Variants in SLC30A7 observed in about 807,000 individuals in gnomAD.
SLC30A7 encodes solute carrier family 30 member 7, also known as zinc transporter 7.
A neutral mutation model predicts 46.0 loss-of-function variants in SLC30A7; 35 were observed. That is an observed-to-expected ratio of 0.76 (90% CI 0.58 to 1.01). The LOEUF is 1.01. Among genes scored for constraint, SLC30A7 ranks in the 50% least tolerant of loss-of-function variants. SLC30A7 has a pLI of 0.00. For synonymous variants in SLC30A7, 147 were observed against 157.8 expected (o/e 0.93, Z 0.51); for missense variants, 464 against 451.1 (o/e 1.03, Z -0.26).
intron 2 of SLC30A7, among the ~76,000 whole-genome samples, chr1:100,904,200 G>T (rs1417879920): frequency 6.6e-6 from 1 of 152,174 alleles, no homozygotes; most frequent in Non-Finnish European, 1.5e-5. Flanking sequence ...GACTTCAGAA[G>T]CTTGTTTTTA....
chr1:100,897,982 A>G (rs933996447), intron 2 of SLC30A7, among the ~76,000 whole-genome samples: 1 of 152,202 alleles, frequency 6.6e-6, no homozygotes, highest in Non-Finnish European at 1.5e-5. Flanking sequence ...ATACTTTATC[A>G]TAAATATATA....
chr1:100,928,038 G>GTCACATGA (rs1653417817), intron 8 of SLC30A7, among the ~76,000 whole-genome samples: 1 of 152,182 alleles, frequency 6.6e-6, no homozygotes, highest in African/African-American at 2.4e-5. Context: ...CTGATGATGG[G>GTCACATGA]TGGATTGCCC....
At position 100,968,763 on chromosome 1, in the gene SLC30A7, T is replaced by C. The variant is rs187996680; in HGVS notation, c.1083+2845T>C. 1.0e-3 allele frequency among the ~76,000 whole-genome samples: 158 copies of C among 152,342 alleles called. 1 individual carries two copies. The highest frequency in any genetic ancestry group is 4.6e-3 in the Admixed American group (70 of 15,300). On this transcript the variant is annotated intron_variant, in intron 10 of 10. Transcript: ENST00000357650. ...TTTATCCTATGTCATACATATCACA[T>C]TGTACAACTTGTGTGCAAGTTCCTA...
intron 7 of SLC30A7, 54 bp from the exon 8 acceptor site, chr1:100,921,652 G>T: frequency 7.0e-7 from 1 of 1,429,944 alleles, no homozygotes; most frequent in Non-Finnish European, 9.7e-7. Context: ...GGATATATTC[G>T]TATTTTAAAT....
At chr1:100,906,204 T>G (rs1035453452) in intron 2 of SLC30A7, among the ~76,000 whole-genome samples, 5 of 152,216 alleles carry the variant, frequency 3.3e-5, no homozygotes, top group African/African-American at 1.2e-4. Context: ...TCAGGGTTCT[T>G]GCTCCACTCT....
At chr1:100,964,374 A>ACAT (rs1446078791) in intron 9 of SLC30A7, among the ~76,000 whole-genome samples, 8 of 112,372 alleles carry the variant, frequency 7.1e-5, no homozygotes, top group African/African-American at 3.0e-4. Flanking sequence ...ATGTATATAT[A>ACAT]ACATATGTTA....
At chr1:100,907,367 T>C in intron 3 of SLC30A7, among the ~76,000 whole-genome samples, 1 of 152,212 alleles carries the variant, frequency 6.6e-6, no homozygotes, top group South Asian at 2.1e-4. Context: ...TCTTTAGCTC[T>C]GCTTTTATGT....
chr1:100,915,193 TTTTCTTTCTTTCTTTCTTTC>T (rs200989431), intron 6 of SLC30A7, among the ~76,000 whole-genome samples: 103 of 90,846 alleles, frequency 1.1e-3, no homozygotes, highest in Non-Finnish European at 1.3e-3. Context: ...CTTTTCTTTC[TTTTCTTTCTTTCTTTCTTTC>T]TTTCTTTCTT....
At chr1:100,907,737 T>C (rs1409833727) in intron 3 of SLC30A7, among the ~76,000 whole-genome samples, 2 of 151,910 alleles carry the variant, frequency 1.3e-5, no homozygotes, top group Non-Finnish European at 2.9e-5. Context: ...CTGTGAGTGC[T>C]CTTTTACATT....
At chr1:100,993,559 A>AAAATATATATAT in the SLC30A7 span, among the ~76,000 whole-genome samples, 1 of 56,546 alleles carries the variant, frequency 1.8e-5, no homozygotes, top group East Asian at 5.6e-4. Flanking sequence ...CGAAAATATA[A>AAAATATATATAT]ATATATATAT....
chr1:100,896,805 C>T, intron 2 of SLC30A7, 134 bp downstream of exon 2: 1 of 741,590 alleles, frequency 1.3e-6, no homozygotes, highest in Non-Finnish European at 2.3e-6. Context: ...TGCTGAGTTG[C>T]TTTCTCATAC....
At chr1:100,943,246 C>G (rs1654454972) in intron 8 of SLC30A7, among the ~76,000 whole-genome samples, 1 of 152,150 alleles carries the variant, frequency 6.6e-6, no homozygotes, top group Admixed American at 6.5e-5. Context: ...TCCCACAACC[C>G]CCTCCTTGGA....
chr1:100,987,646 AT>A, the SLC30A7 span, among the ~76,000 whole-genome samples: 3 of 141,446 alleles, frequency 2.1e-5, no homozygotes, highest in Admixed American at 7.0e-5. Context: ...TTATGTTCGG[AT>A]TTTTTTTTCT....
At chr1:100,933,008 G>T (rs1477450584) in intron 8 of SLC30A7, among the ~76,000 whole-genome samples, 5 of 142,122 alleles carry the variant, frequency 3.5e-5, no homozygotes, top group African/African-American at 1.1e-4. Context: ...ACGGAGTCTC[G>T]CTCTGTCGCC....
At chr1:100,982,009 A>G (rs907843791), downstream of SLC30A7, among the ~76,000 whole-genome samples, 1 of 152,184 alleles carries the variant, frequency 6.6e-6, no homozygotes, top group Non-Finnish European at 1.5e-5. Context: ...ACTTCCAGAT[A>G]TTTCCATCAC....
In SLC30A7 at chr1:100,979,455, A is replaced by AG. The variant is rs1458213413; in HGVS notation, c.*4598_*4599insG. On this transcript the variant is annotated 3_prime_UTR_variant, in exon 11 of 11. Transcript: ENST00000357650. ...TGTATCCAAAAAAAAAAAAAAAAAA[A>AG]AAAGAAAAGGAGCAGGGAAGGACAG... The AG allele has an allele frequency of 1.3e-5, 2 of 149,332 alleles. No individual in the cohort carries two copies. Among genetic ancestry groups the AG allele is most frequent in the Non-Finnish European group, 3.0e-5 (2 of 66,856 alleles). 9.3% of individuals were successfully genotyped at this position (149,332 alleles called of 1,614,324 possible). A position where few individuals can be genotyped will look rare whatever the true frequency, so the allele number is the denominator to read the frequency against.
intron 8 of SLC30A7, among the ~76,000 whole-genome samples, chr1:100,951,728 G>A (rs986481753): frequency 6.6e-6 from 1 of 152,166 alleles, no homozygotes; most frequent in Non-Finnish European, 1.5e-5. Context: ...GTGAGGTCCT[G>A]CCAACAACCT....
chr1:100,931,543 A>T (rs889263643), intron 8 of SLC30A7, among the ~76,000 whole-genome samples: 1 of 151,432 alleles, frequency 6.6e-6, no homozygotes, highest in Non-Finnish European at 1.5e-5. Flanking sequence ...CTCACTGAGT[A>T]TTTTTTTTTA....
At chr1:100,967,832 A>T (rs1235003523) in intron 10 of SLC30A7, among the ~76,000 whole-genome samples, 1 of 152,200 alleles carries the variant, frequency 6.6e-6, no homozygotes, top group African/African-American at 2.4e-5. Flanking sequence ...GGACTGGGGA[A>T]AAAAAGCAAC....
Sources: gnomAD v4.1 joint callset for allele counts (sites outside exome capture counted in the v4.1 genomes callset) on GRCh38, gnomAD v4.1.1 for gene constraint, MANE v1.5 for transcripts, NCBI Gene and HGNC (gene_info 2026-07-23, HGNC 2026-07-21) for gene names.